MBOAT2: variants seen among roughly 807,000 people sequenced by gnomAD.
MBOAT2 encodes the protein membrane bound glycerophospholipid O-acyltransferase 2.
In MBOAT2, 28 loss-of-function variants were observed where a neutral mutation model predicts 63.4. The observed-to-expected ratio is 0.44, with a 90% CI of 0.33 to 0.61. The LOEUF (loss-of-function observed/expected upper bound fraction) is 0.61, where lower values mean the gene tolerates loss of function less well. MBOAT2 is among the 20% of genes least tolerant of loss of function. MBOAT2 has a pLI of 0.03. For missense variants in MBOAT2, 470 were observed against 605.8 expected, an observed-to-expected ratio of 0.78 and a Z score of 2.35; for synonymous variants, 211 against 215.6, an observed-to-expected ratio of 0.98 and a Z score of 0.19.
chr2:8,880,927 G>A (rs1489781291), intron 6 of MBOAT2, among the ~76,000 whole-genome samples: 1 of 152,176 alleles, frequency 6.6e-6, no homozygotes, highest in Non-Finnish European at 1.5e-5. Flanking sequence ...GGGAGAATGA[G>A]GGGAGACACT....
At chr2:8,894,145 C>G (rs1330732956) in intron 4 of MBOAT2, among the ~76,000 whole-genome samples, 2 of 152,152 alleles carry the variant, frequency 1.3e-5, no homozygotes, top group East Asian at 1.9e-4. Context: ...ATTCCCCTCC[C>G]TGTGTCCACG....
At chr2:8,969,728 T>C (rs1169380659) in intron 1 of MBOAT2, among the ~76,000 whole-genome samples, 3 of 152,146 alleles carry the variant, frequency 2.0e-5, no homozygotes, top group Admixed American at 6.5e-5. Flanking sequence ...TCCTAGTCTC[T>C]GATAAAACAG....
At chr2:8,902,873 T>C (rs10210566) in intron 4 of MBOAT2, among the ~76,000 whole-genome samples, 15,547 of 152,232 alleles carry the variant, frequency 0.1, 938 homozygotes, top group African/African-American at 0.16. Flanking sequence ...AGTGGGTTGC[T>C]GCTGCTGGCT....
intron 9 of MBOAT2, 106 bp downstream of exon 9, chr2:8,868,340 A>G (rs1361258337): frequency 1.1e-6 from 1 of 895,026 alleles, no homozygotes; most frequent in Non-Finnish European, 1.7e-6. Context: ...GAGTGTTAAT[A>G]TTAAAAAACC....
At chr2:8,957,204 C>G (rs1669289566) in intron 2 of MBOAT2, among the ~76,000 whole-genome samples, 1 of 152,090 alleles carries the variant, frequency 6.6e-6, no homozygotes, top group Non-Finnish European at 1.5e-5. Flanking sequence ...GTTCTTTGTA[C>G]CTTTGTGTTT....
chr2:8,866,408 A>G (rs1203514901), intron 9 of MBOAT2, among the ~76,000 whole-genome samples: 1 of 152,176 alleles, frequency 6.6e-6, no homozygotes, highest in African/African-American at 2.4e-5. Flanking sequence ...CAAAGGTGAG[A>G]AACACTGCTA....
chr2:8,861,468 C>T (rs891641638), intron 11 of MBOAT2, among the ~76,000 whole-genome samples: 8 of 152,122 alleles, frequency 5.3e-5, no homozygotes, highest in Admixed American at 2.6e-4. Context: ...GCCAAAAGCC[C>T]GTACCTCAGG....
chr2:8,876,508 T>C (rs541620028), intron 7 of MBOAT2, among the ~76,000 whole-genome samples: 7 of 152,328 alleles, frequency 4.6e-5, no homozygotes, highest in Non-Finnish European at 8.8e-5. Context: ...AATCTCTTCA[T>C]TGTGGGAATC....
At chr2:8,879,428 G>T (rs531822735) in intron 6 of MBOAT2, among the ~76,000 whole-genome samples, 1 of 152,288 alleles carries the variant, frequency 6.6e-6, no homozygotes, top group Non-Finnish European at 1.5e-5. Flanking sequence ...GTCATTTTAG[G>T]TACCGAAGTA....
At chr2:8,913,727 T>C (rs1040103601) in intron 3 of MBOAT2, among the ~76,000 whole-genome samples, 1 of 152,198 alleles carries the variant, frequency 6.6e-6, no homozygotes, top group Non-Finnish European at 1.5e-5. Flanking sequence ...CTGGTGGGAA[T>C]GTAAACTAGT....
At chr2:8,934,047 G>C (rs1437760932) in intron 3 of MBOAT2, among the ~76,000 whole-genome samples, 4 of 152,124 alleles carry the variant, frequency 2.6e-5, no homozygotes, top group Non-Finnish European at 5.9e-5. Flanking sequence ...TGCAGGATTT[G>C]ATGGCACAAT....
chr2:8,972,989 T>C (rs1206276820), intron 1 of MBOAT2, among the ~76,000 whole-genome samples: 1 of 152,184 alleles, frequency 6.6e-6, no homozygotes, highest in African/African-American at 2.4e-5. Flanking sequence ...GAACTAGAAA[T>C]ACCATTTGAC....
At position 8,862,889 on chromosome 2, in the gene MBOAT2, T is replaced by G. The variant is rs1295802835; in HGVS notation, c.1053-167A>C. On this transcript the variant is annotated intron_variant, in intron 10 of 12. Coordinates refer to ENST00000305997, the MANE Select transcript of MBOAT2 (RefSeq NM_138799.4). The surrounding 1 kb of genome is among the most constrained non-coding windows in gnomAD (Gnocchi z 4.3). ...TCTATGATCTCAGGGAGGCTATAGC[T>G]ATTAAGTGTCAAATTTAGGAACATA... Among the ~76,000 whole-genome samples, 2 of 152,182 alleles carry G rather than the reference T, an allele frequency of 1.3e-5. No homozygotes were observed. The highest frequency in any genetic ancestry group is 2.9e-5 in the Non-Finnish European group (2 of 68,024).
At chr2:8,861,920 C>G (rs1233998393) in intron 11 of MBOAT2, among the ~76,000 whole-genome samples, 1 of 152,206 alleles carries the variant, frequency 6.6e-6, no homozygotes, top group Admixed American at 6.5e-5. Context: ...CAAAGTTCCT[C>G]AAAATGGAAT....
intron 1 of MBOAT2, among the ~76,000 whole-genome samples, chr2:8,959,415 T>C (rs1053298249): frequency 1.9e-4 from 29 of 152,020 alleles, no homozygotes; most frequent in African/African-American, 5.1e-4. Context: ...TAAGAATCTC[T>C]CATGGTATGT....
intron 1 of MBOAT2, among the ~76,000 whole-genome samples, chr2:8,959,306 T>G (rs1324862040): frequency 2.0e-5 from 3 of 152,210 alleles, no homozygotes; most frequent in African/African-American, 7.2e-5. Flanking sequence ...AATTTCCTTA[T>G]AGTTCACTAG....
At chr2:8,960,363 A>T (rs1669522000) in intron 1 of MBOAT2, among the ~76,000 whole-genome samples, 1 of 152,234 alleles carries the variant, frequency 6.6e-6, no homozygotes, top group South Asian at 2.1e-4. Flanking sequence ...CATGAGTCCC[A>T]GTCCTAGCTC....
intron 4 of MBOAT2, among the ~76,000 whole-genome samples, chr2:8,888,977 T>C (rs760406603): frequency 8.5e-5 from 13 of 152,222 alleles, no homozygotes; most frequent in Non-Finnish European, 1.8e-4. Flanking sequence ...GTTATTTAAT[T>C]TTTTGAAACA....
At chr2:8,974,215 T>C (rs1670660226) in intron 1 of MBOAT2, 2 of 376,440 alleles carry the variant, frequency 5.3e-6, no homozygotes, top group Admixed American at 3.0e-5. Context: ...ATGGGATGAA[T>C]AGTGACTGGT....
Sources: gnomAD v4.1 joint callset for allele counts (sites outside exome capture counted in the v4.1 genomes callset) on GRCh38, gnomAD v4.1.1 for gene constraint, Gnocchi (gnomAD v3.1) non-coding constraint, MANE v1.5 for transcripts, NCBI Gene and HGNC (gene_info 2026-07-23, HGNC 2026-07-21) for gene names.